CCL13: variants seen among roughly 807,000 people sequenced by gnomAD.
CCL13 encodes C-C motif chemokine 13.
CCL13 carries 5 observed loss-of-function variants against 6.6 expected under a neutral mutation model. The observed-to-expected ratio is 0.76, with a 90% confidence interval of 0.40 to 1.60. The LOEUF (loss-of-function observed/expected upper bound fraction) is 1.60. Among genes scored for constraint, CCL13 ranks in the 40% most tolerant of loss-of-function variants. The pLI is 0.02. For missense variants in CCL13, 117 were observed against 114.2 expected, an observed-to-expected ratio of 1.02 and a Z score of -0.11; for synonymous variants, 39 against 43.0, an observed-to-expected ratio of 0.91 and a Z score of 0.37.
chr17:34,357,593 G>A lies in CCL13; in HGVS notation c.191+4G>A. On this transcript the variant is annotated splice_donor_region_variant and intron_variant, in intron 2 of 2. Transcript: ENST00000225844. The stretch of plus-strand genomic sequence containing the variant: ...GGTGTCCCCAGAAGGCTGTCATGTG[G>A]GTAGAAAAATCCCTGCTCACCTGGC... 1 of 1,583,118 alleles carries A rather than the reference G, an allele frequency of 6.3e-7. No homozygotes were observed. Among genetic ancestry groups the A allele is most frequent in the Non-Finnish European group, 8.7e-7 (1 of 1,152,930 alleles).
rs754382301 is a variant in CCL13, at chr17:34,357,603, T to A, written c.191+14T>A. The A allele has an allele frequency of 6.5e-7, 1 of 1,531,496 alleles. No individual in the cohort carries two copies. The highest frequency in any genetic ancestry group is 2.3e-5 in the East Asian group (1 of 44,176). 94.9% of individuals were successfully genotyped at this position (1,531,496 alleles called of 1,614,324 possible). ...GAAGGCTGTCATGTGGGTAGAAAAA[T>A]CCCTGCTCACCTGGCTCCTCCCCAC... On this transcript the variant is annotated intron_variant, in intron 2 of 2. Coordinates refer to ENST00000225844, the MANE Select transcript of CCL13 (RefSeq NM_005408.3).
chr17:34,357,738 G>A (rs1910389985), intron 2 of CCL13, 149 bp downstream of exon 2: 2 of 645,788 alleles, frequency 3.1e-6, no homozygotes, highest in East Asian at 2.6e-5. Flanking sequence ...TCCAATTTTG[G>A]CTGCACAACA....
intron 2 of CCL13, among the ~76,000 whole-genome samples, 187 bp from the exon 3 acceptor site, chr17:34,357,839 G>A (rs1910392140): frequency 1.3e-5 from 2 of 152,198 alleles, no homozygotes; most frequent in Admixed American, 6.5e-5. Flanking sequence ...CAGTTTCCCA[G>A]GGGCAGCAAG....
At position 34,357,597 on chromosome 17, in the gene CCL13, G is replaced by A; in HGVS notation, c.191+8G>A. ...TCCCCAGAAGGCTGTCATGTGGGTAGAAAAATCCCTGCTCACCTGGCTCCT... is the reference window on the plus strand; with the variant it reads ...TCCCCAGAAGGCTGTCATGTGGGTAAAAAAATCCCTGCTCACCTGGCTCCT... On this transcript the variant is annotated splice_region_variant and intron_variant, in intron 2 of 2. Coordinates refer to ENST00000225844, the MANE Select transcript of CCL13 (RefSeq NM_005408.3). 6.4e-7 allele frequency: 1 copy of A among 1,556,984 alleles called. No individual in the cohort carries two copies. Among genetic ancestry groups the A allele is most frequent in the Non-Finnish European group, 8.9e-7 (1 of 1,129,094 alleles).
Position 34,357,548 on chromosome 17 carries a change from C to T in CCL13, c.150C>T (p.Ser50=). 1 of 1,613,352 alleles carries T rather than the reference C, an allele frequency of 6.2e-7. No individual in the cohort carries two copies. The highest frequency in any genetic ancestry group is 2.2e-5 in the East Asian group (1 of 44,852). ...AGATCTCCTTGCAGAGGCTGAAGAG[C>T]TATGTGATCACCACCAGCAGGTGTC... is the stretch of plus-strand genomic sequence containing the variant. The part of the protein sequence containing the change: ...SKKISLQRLK[S]YVITTSRCPQ... Residue 50 remains serine, a synonymous_variant, in exon 2 of 3, where the codon AGC becomes AGT. Transcript: ENST00000225844.
At chr17:34,356,657 G>A (rs1410748215) in intron 1 of CCL13, 55 bp downstream of exon 1, 1 of 1,306,934 alleles carries the variant, frequency 7.7e-7, no homozygotes, top group African/African-American at 1.5e-5. Context: ...TCTATTCAAG[G>A]AAGACCTAAG....
At chr17:34,357,343 G>T in intron 1 of CCL13, 132 bp from the exon 2 acceptor site, 1 of 617,742 alleles carries the variant, frequency 1.6e-6, no homozygotes, top group East Asian at 2.7e-5. Context: ...GGGTGGGAGT[G>T]CTGGGCTTGG....
At chr17:34,357,294 G>A (rs1910372835) in intron 1 of CCL13, among the ~76,000 whole-genome samples, 181 bp from the exon 2 acceptor site, 1 of 152,132 alleles carries the variant, frequency 6.6e-6, no homozygotes, top group Non-Finnish European at 1.5e-5. Context: ...TTGAGATCCT[G>A]AGGCACATGT....
Position 34,356,519 on chromosome 17 carries a change from C to T in CCL13, c.-8C>T, listed in dbSNP as rs1484329604. 6.2e-7 allele frequency: 1 copy of T among 1,606,586 alleles called. No individual in the cohort carries two copies. Among genetic ancestry groups the T allele is most frequent in the Non-Finnish European group, 8.5e-7 (1 of 1,173,980 alleles). ...ACATTGTGAAATCTCCAACTCTTAA[C>T]CTTCAACATGAAAGTCTCTGCAGTG... is the stretch of plus-strand genomic sequence containing the variant. On this transcript the variant is annotated 5_prime_UTR_variant, in exon 1 of 3. Transcript: ENST00000225844.
rs771349142 is a variant in CCL13 at position 34,358,013 on chromosome 17, C to G, written c.192-13C>G. The G allele has an allele frequency of 5.0e-6, 8 of 1,594,838 alleles. No individual in the cohort carries two copies. The highest frequency in any genetic ancestry group is 2.0e-4 in the Middle Eastern group (1 of 5,074). On this transcript the variant is annotated splice_polypyrimidine_tract_variant and intron_variant, in intron 2 of 2. Coordinates refer to ENST00000225844, the MANE Select transcript of CCL13 (RefSeq NM_005408.3). The stretch of plus-strand genomic sequence containing the variant: ...GGTTCCATCTAACTGTGCCAGATCT[C>G]CTTCCTCCACAGCTTCAGAACCAAA...
rs1264586533 is a variant in CCL13, at chr17:34,358,242, G to T, written c.*111G>T. 1.4e-6 allele frequency: 1 copy of T among 729,412 alleles called. No homozygotes were observed. 45.2% of individuals were successfully genotyped at this position (729,412 alleles called of 1,614,324 possible). A position where few individuals can be genotyped will look rare whatever the true frequency, so the allele number is the denominator to read the frequency against. ...TACTTCTACCATAATTTTCAAATAG[G>T]ATGCATTCGGTTTTGTGATTCAAAA... On this transcript the variant is annotated 3_prime_UTR_variant, in exon 3 of 3. Transcript: ENST00000225844.
chr17:34,356,754 A>G (rs1264784046), intron 1 of CCL13, 152 bp downstream of exon 1: 1 of 553,378 alleles, frequency 1.8e-6, no homozygotes, highest in Non-Finnish European at 3.3e-6. Context: ...GGCTCATTGC[A>G]ACCTTCACCT....
At position 34,358,008 on chromosome 17, in the gene CCL13, G is replaced by T; in HGVS notation, c.192-18G>T. ...CAAAGGGTTCCATCTAACTGTGCCAGATCTCCTTCCTCCACAGCTTCAGAA... is the reference window on the plus strand; with the variant it reads ...CAAAGGGTTCCATCTAACTGTGCCATATCTCCTTCCTCCACAGCTTCAGAA... On this transcript the variant is annotated intron_variant, in intron 2 of 2. Coordinates refer to ENST00000225844, the MANE Select transcript of CCL13 (RefSeq NM_005408.3). 2 of 1,584,034 alleles carry T rather than the reference G, an allele frequency of 1.3e-6. No individual in the cohort carries two copies. The highest frequency in any genetic ancestry group is 1.7e-6 in the Non-Finnish European group (2 of 1,155,476).
At position 34,358,126 on chromosome 17, in the gene CCL13, A is replaced by T; in HGVS notation, c.292A>T (p.Thr98Ser). The T allele has an allele frequency of 6.2e-7, 1 of 1,610,226 alleles. No individual in the cohort carries two copies. Among genetic ancestry groups the T allele is most frequent in the South Asian group, 1.1e-5 (1 of 90,986 alleles). Residue 98 changes from threonine to serine, a missense_variant, in exon 3 of 3, where the codon ACT becomes TCT. By Grantham distance (58) the Thr-to-Ser change is moderately conservative. Transcript: ENST00000225844. The stretch of plus-strand genomic sequence containing the variant: ...GGGCCGGAAAGCTCACACCCTGAAG[A>T]CTTGAACTCTGCTACCCCTACTGAA... ...HLGRKAHTLK[T>S]
At chr17:34,357,998 A>C (rs1352823489) in intron 2 of CCL13, 28 bp from the exon 3 acceptor site, 1 of 1,532,074 alleles carries the variant, frequency 6.5e-7, no homozygotes, top group Admixed American at 1.7e-5. Context: ...GGTTCCATCT[A>C]ACTGTGCCAG....
chr17:34,358,174 G>A lies in CCL13; in HGVS notation c.*43G>A, dbSNP rs752642615. The A allele has an allele frequency of 1.5e-6, 2 of 1,375,220 alleles. No individual in the cohort carries two copies. The highest frequency in any genetic ancestry group is 4.6e-5 in the East Asian group (2 of 43,800). The allele number at this position is 1,375,220 out of a possible 1,614,324, so 85.2% of individuals were successfully genotyped here. A position where few individuals can be genotyped will look rare whatever the true frequency, so the allele number is the denominator to read the frequency against. On this transcript the variant is annotated 3_prime_UTR_variant, in exon 3 of 3. Transcript: ENST00000225844. ...GAAATCAAGCTGGAGTACGTGAAAT[G>A]ACTTTTCCATTCTCCTCTGGCCTCC...
In CCL13 at chr17:34,356,570, C is replaced by CA; in HGVS notation, c.45dup (p.Ala16SerfsTer24). The CA allele has an allele frequency of 6.2e-7, 1 of 1,613,450 alleles. No homozygotes were observed. The highest frequency in any genetic ancestry group is 8.5e-7 in the Non-Finnish European group (1 of 1,179,460). On this transcript the variant is annotated frameshift_variant, in exon 1 of 3. Coordinates refer to ENST00000225844, the MANE Select transcript of CCL13 (RefSeq NM_005408.3). LOFTEE classifies it high-confidence loss of function. ...CTTCTGTGCCTGCTGCTCATGACAG[C>CA]AGCTTTCAACCCCCAGGGACTTGCT...
chr17:34,356,497 T>G lies in CCL13; in HGVS notation c.-30T>G. 6.4e-7 allele frequency: 1 copy of G among 1,550,918 alleles called. No individual in the cohort carries two copies. The highest frequency in any genetic ancestry group is 1.7e-4 in the Middle Eastern group (1 of 5,902). Reference sequence around the variant, plus strand: ...AGAGGAGCAGAGAGGCAAAGAAACATTGTGAAATCTCCAACTCTTAACCTT... The same window carrying G: ...AGAGGAGCAGAGAGGCAAAGAAACAGTGTGAAATCTCCAACTCTTAACCTT... On this transcript the variant is annotated 5_prime_UTR_variant, in exon 1 of 3. Transcript: ENST00000225844.
chr17:34,357,933 G>A, intron 2 of CCL13, 93 bp from the exon 3 acceptor site: 1 of 827,512 alleles, frequency 1.2e-6, no homozygotes, highest in Non-Finnish European at 2.0e-6. Flanking sequence ...CCTGTAGTAG[G>A]TGGACCAGGC....
Sources: allele counts gnomAD v4.1 joint callset (sites outside exome capture counted in the v4.1 genomes callset), GRCh38; gene constraint gnomAD v4.1.1; transcripts MANE v1.5; gene names NCBI Gene and HGNC (gene_info 2026-07-23, HGNC 2026-07-21).